The following SND1 variants were observed in gnomAD, a reference collection of about 807,000 sequenced individuals.
SND1 encodes the protein staphylococcal nuclease domain-containing protein 1.
Under a neutral mutation model 121.7 loss-of-function variants are expected in SND1, and 38 were observed. The observed-to-expected ratio is 0.31, with a 90% CI of 0.24 to 0.41. SND1 has a LOEUF of 0.41. Among genes scored for constraint, SND1 ranks in the 10% least tolerant of loss-of-function variants. The pLI is 1.00. For missense variants in SND1, 868 were observed against 1,184.6 expected (o/e 0.73, Z 3.92); for synonymous variants, 401 against 447.4 (o/e 0.90, Z 1.31).
intron 9 of SND1, among the ~76,000 whole-genome samples, chr7:127,708,184 A>T (rs1379129972): frequency 1.3e-5 from 2 of 152,276 alleles, no homozygotes; most frequent in East Asian, 3.9e-4. Flanking sequence ...TTGTAGACTT[A>T]TGTAAGTGTT....
chr7:128,064,076 A>G (rs80277109), intron 16 of SND1, among the ~76,000 whole-genome samples: 1,629 of 152,288 alleles, frequency 0.011, 15 homozygotes, highest in Non-Finnish European at 0.015. Context: ...TTTATTGAGC[A>G]CTTACTATTC....
intron 15 of SND1, among the ~76,000 whole-genome samples, chr7:127,961,744 G>A (rs1305169026): frequency 1.3e-5 from 2 of 152,148 alleles, no homozygotes; most frequent in Non-Finnish European, 2.9e-5. Flanking sequence ...CATTTCCTAT[G>A]TGTCCATTCT....
chr7:127,970,021 A>T (rs1801947161), intron 15 of SND1, among the ~76,000 whole-genome samples: 1 of 152,206 alleles, frequency 6.6e-6, no homozygotes, highest in South Asian at 2.1e-4. Flanking sequence ...GTAATTTCAC[A>T]TTGTAGTCAT....
intron 15 of SND1, among the ~76,000 whole-genome samples, chr7:127,958,954 G>C (rs1801663006): frequency 6.6e-6 from 1 of 152,144 alleles, no homozygotes; most frequent in Non-Finnish European, 1.5e-5. Context: ...TTCACTGATT[G>C]CTGCTCTTAT....
intron 12 of SND1, among the ~76,000 whole-genome samples, chr7:127,886,307 T>TA (rs201061270): frequency 2.9e-3 from 422 of 144,144 alleles, no homozygotes; most frequent in African/African-American, 8.4e-3. Flanking sequence ...TTTTCTTCTT[T>TA]AAAAAAAAAA....
chr7:127,956,806 T>A (rs1349043620), intron 15 of SND1, among the ~76,000 whole-genome samples: 1 of 152,218 alleles, frequency 6.6e-6, no homozygotes, highest in African/African-American at 2.4e-5. Flanking sequence ...CTTGACACTA[T>A]CTCTTGTTTA....
intron 3 of SND1, among the ~76,000 whole-genome samples, 185 bp downstream of exon 3, chr7:127,695,133 G>A (rs1036315555): frequency 5.9e-5 from 9 of 152,126 alleles, no homozygotes; most frequent in South Asian, 2.1e-4. Flanking sequence ...GCATGCCCCC[G>A]GTGTTCCTGT....
intron 10 of SND1, among the ~76,000 whole-genome samples, chr7:127,765,906 T>C (rs1797401846): frequency 6.6e-6 from 1 of 152,224 alleles, no homozygotes; most frequent in Non-Finnish European, 1.5e-5. Flanking sequence ...CATTTTAATA[T>C]TCCTTGGATG....
intron 2 of SND1, among the ~76,000 whole-genome samples, chr7:127,694,490 G>T (rs1795974356): frequency 6.6e-6 from 1 of 152,176 alleles, no homozygotes; most frequent in South Asian, 2.1e-4. Flanking sequence ...CATGGTATGT[G>T]CTATAAAAGC....
In SND1 at chr7:128,089,518, C is replaced by T. The variant is rs372181553; in HGVS notation, c.2448C>T (p.Ser816=). The change falls in exon 22 of 24, where the codon AGC becomes AGT. Residue 816 remains serine, a synonymous_variant. Coordinates refer to ENST00000354725, the MANE Select transcript of SND1 (RefSeq NM_014390.4). ...DDDARTDAVD[S]VVRDIQNTQC... ...ATGCCCGCACGGACGCCGTGGACAG[C>T]GTAGTTCGGGATATCCAGAACACTC... is the stretch of plus-strand genomic sequence containing the variant. 246 of 1,614,104 alleles carry T rather than the reference C, an allele frequency of 1.5e-4. No individual in the cohort carries two copies. The highest frequency in any genetic ancestry group is 2.0e-4 in the Non-Finnish European group (240 of 1,179,956).
At chr7:127,869,195 A>C (rs1336232316) in intron 12 of SND1, among the ~76,000 whole-genome samples, 1 of 152,178 alleles carries the variant, frequency 6.6e-6, no homozygotes, top group African/African-American at 2.4e-5. Context: ...GGCAAAAAGC[A>C]AGTGGCAGAA....
chr7:128,028,654 T>G, intron 16 of SND1: 1 of 1,590,710 alleles, frequency 6.3e-7, no homozygotes, highest in Non-Finnish European at 8.6e-7. Context: ...CTATTGCATT[T>G]TATAAGTTTT....
intron 16 of SND1, among the ~76,000 whole-genome samples, chr7:128,056,609 C>G (rs914333433): frequency 1.3e-5 from 2 of 152,174 alleles, no homozygotes; most frequent in Non-Finnish European, 2.9e-5. Context: ...TTTTCTGCCA[C>G]AAAATCAAGC....
chr7:128,075,051 G>C (rs1793484405), intron 17 of SND1, among the ~76,000 whole-genome samples: 1 of 152,230 alleles, frequency 6.6e-6, no homozygotes, highest in African/African-American at 2.4e-5. Context: ...TTCTCTGTCA[G>C]TGCCCTCAGG....
intron 16 of SND1, chr7:128,028,526 G>T: frequency 1.9e-5 from 13 of 702,054 alleles, no homozygotes; most frequent in South Asian, 5.8e-5. Context: ...TTGACTTTTT[G>T]TCTTTAAATT....
intron 10 of SND1, among the ~76,000 whole-genome samples, 199 bp from the exon 11 acceptor site, chr7:127,807,285 G>C (rs909105196): frequency 6.6e-6 from 1 of 152,180 alleles, no homozygotes; most frequent in African/African-American, 2.4e-5. Flanking sequence ...TTGTGAGCCT[G>C]TTATGTGAAA....
chr7:127,871,978 A>G (rs1251784750), intron 12 of SND1, among the ~76,000 whole-genome samples: 1 of 152,138 alleles, frequency 6.6e-6, no homozygotes, highest in East Asian at 1.9e-4. Context: ...AAAAAAATTT[A>G]AAAGATTAGC....
At chr7:127,853,223 G>T (rs890440746) in intron 12 of SND1, among the ~76,000 whole-genome samples, 6 of 152,192 alleles carry the variant, frequency 3.9e-5, no homozygotes, top group Non-Finnish European at 8.8e-5. Context: ...GGGGCTCGGG[G>T]TTGACTGGGA....
intron 16 of SND1, among the ~76,000 whole-genome samples, chr7:128,064,756 G>T (rs1793285891): frequency 6.6e-6 from 1 of 152,162 alleles, no homozygotes; most frequent in South Asian, 2.1e-4. Flanking sequence ...GGGCCATGTT[G>T]TTGGGGAAGA....
Sources: allele counts gnomAD v4.1 joint callset (sites outside exome capture counted in the v4.1 genomes callset), GRCh38; gene constraint gnomAD v4.1.1; transcripts MANE v1.5; gene names NCBI Gene and HGNC (gene_info 2026-07-23, HGNC 2026-07-21).